The following RELCH variants were observed in gnomAD, a reference collection of about 807,000 sequenced individuals.
RELCH encodes the protein RAB11-binding protein RELCH.
RELCH carries 41 observed loss-of-function variants against 150.3 expected under a neutral mutation model. The observed-to-expected ratio is 0.27, with a 90% CI of 0.21 to 0.35. The LOEUF is 0.35. Ranked by LOEUF, RELCH falls within the 10% of genes least tolerant of loss-of-function variation. The pLI, the probability that RELCH is intolerant of heterozygous loss-of-function variation, is 1.00. For missense variants in RELCH, 1,092 were observed against 1,467.8 expected (o/e 0.74, Z 4.18); for synonymous variants, 478 against 531.8 (o/e 0.90, Z 1.39).
At chr18:62,257,890 A>T in intron 13 of RELCH, 58 bp from the exon 14 acceptor site, 1 of 1,313,584 alleles carries the variant, frequency 7.6e-7, no homozygotes, top group Non-Finnish European at 1.0e-6. Flanking sequence ...TTGTCATATT[A>T]TTTTCTATAC....
chr18:62,299,317 A>G (rs2045560713), intron 28 of RELCH, among the ~76,000 whole-genome samples: 1 of 152,224 alleles, frequency 6.6e-6, no homozygotes, highest in African/African-American at 2.4e-5. Context: ...AAATTAAAAT[A>G]TAAGCATAGA....
rs193273177 is a variant in RELCH at position 62,305,167 on chromosome 18, A to G, written c.3531-247A>G. Among the ~76,000 whole-genome samples, 215 of 152,318 alleles carry G rather than the reference A, an allele frequency of 1.4e-3. 1 individual carries two copies. Among genetic ancestry groups the G allele is most frequent in the Admixed American group, 6.0e-3 (91 of 15,286 alleles). On this transcript the variant is annotated intron_variant, in intron 28 of 28. Coordinates refer to ENST00000644646, the MANE Select transcript of RELCH (RefSeq NM_001346231.2). This position sits in a 1 kb window ranked among gnomAD's most constrained non-coding sequence, Gnocchi z 4.0. ...TTAAATAATTTACCCGAGCTGGTAA[A>G]CAGAGCCAAGATTCAGTCCAGTCCC...
At chr18:62,226,421 A>G (rs570833593) in intron 5 of RELCH, among the ~76,000 whole-genome samples, 1 of 152,100 alleles carries the variant, frequency 6.6e-6, no homozygotes, top group Non-Finnish European at 1.5e-5. Flanking sequence ...AAGTATTTGT[A>G]ATAATATGAA....
intron 11 of RELCH, chr18:62,245,892 A>G (rs1322226224): frequency 2.6e-5 from 4 of 152,140 alleles, no homozygotes; most frequent in African/African-American, 9.7e-5. Context: ...GAGGGAGTGA[A>G]TGTATTCTAG....
chr18:62,223,861 C>G (rs148227240), intron 5 of RELCH, among the ~76,000 whole-genome samples: 310 of 152,182 alleles, frequency 2.0e-3, no homozygotes, highest in African/African-American at 7.1e-3. Flanking sequence ...TTGACTCAAT[C>G]CAACATCCAT....
intron 20 of RELCH, among the ~76,000 whole-genome samples, chr18:62,273,011 A>G (rs1273352811): frequency 6.6e-6 from 1 of 150,856 alleles, no homozygotes; most frequent in Non-Finnish European, 1.5e-5. Context: ...TCTCTACTTC[A>G]TTCTTAACTA....
chr18:62,296,196 A>G (rs1355283479), intron 27 of RELCH, among the ~76,000 whole-genome samples: 1 of 152,240 alleles, frequency 6.6e-6, no homozygotes, highest in African/African-American at 2.4e-5. Context: ...ATATATTTCA[A>G]TAAAATAAGG....
chr18:62,237,163 A>C (rs1034968246), intron 10 of RELCH, among the ~76,000 whole-genome samples: 1 of 151,768 alleles, frequency 6.6e-6, no homozygotes, highest in Non-Finnish European at 1.5e-5. Flanking sequence ...ATTTTATATG[A>C]CTTTGATCTT....
chr18:62,224,054 G>T (rs112608994), intron 5 of RELCH, among the ~76,000 whole-genome samples: 1 of 151,906 alleles, frequency 6.6e-6, no homozygotes, highest in African/African-American at 2.4e-5. Context: ...GTGCCATGTT[G>T]GTTTGCTGCA....
intron 13 of RELCH, among the ~76,000 whole-genome samples, chr18:62,256,523 A>AAGG (rs1377129339): frequency 6.6e-6 from 1 of 152,048 alleles, no homozygotes; most frequent in Non-Finnish European, 1.5e-5. Context: ...CTTGCTCTCA[A>AAGG]AGGATAAATA....
chr18:62,272,282 C>T (rs1176760460), intron 20 of RELCH, among the ~76,000 whole-genome samples: 1 of 152,076 alleles, frequency 6.6e-6, no homozygotes, highest in African/African-American at 2.4e-5. Flanking sequence ...GGAAAGTGTC[C>T]TTGTATAATG....
intron 8 of RELCH, among the ~76,000 whole-genome samples, chr18:62,230,271 T>A (rs565381053): frequency 2.3e-4 from 35 of 152,010 alleles, no homozygotes; most frequent in African/African-American, 7.2e-4. Context: ...TAGACCAGCA[T>A]GGGCAATACA....
intron 11 of RELCH, among the ~76,000 whole-genome samples, chr18:62,248,432 A>C (rs180935822): frequency 4.6e-5 from 7 of 152,188 alleles, no homozygotes; most frequent in African/African-American, 1.7e-4. Context: ...TTAACAGAGG[A>C]AACGTTGCCC....
chr18:62,309,342 G>GT lies in RELCH; in HGVS notation c.*3809dup, dbSNP rs2045954335. 1 of 151,962 alleles carries GT rather than the reference G, an allele frequency of 6.6e-6. No individual in the cohort carries two copies. Among genetic ancestry groups the GT allele is most frequent in the Non-Finnish European group, 1.5e-5 (1 of 68,008 alleles). The allele number at this position is 151,962 out of a possible 1,614,324, so 9.4% of individuals were successfully genotyped here. ...GAATTTTAGACAATTTTCATACTGCGTAAGAATGTGTTCTGTATGCATTTT... is the reference window on the plus strand; with the variant it reads ...GAATTTTAGACAATTTTCATACTGCGTTAAGAATGTGTTCTGTATGCATTTT... On this transcript the variant is annotated 3_prime_UTR_variant, in exon 29 of 29. Coordinates refer to ENST00000644646, the MANE Select transcript of RELCH (RefSeq NM_001346231.2).
intron 5 of RELCH, among the ~76,000 whole-genome samples, chr18:62,224,975 T>C (rs900991809): frequency 1.3e-5 from 2 of 152,050 alleles, no homozygotes; most frequent in African/African-American, 4.8e-5. Context: ...TAAAAGATAT[T>C]ATAGTAAAGA....
At chr18:62,283,133 G>C (rs2044608838) in intron 25 of RELCH, among the ~76,000 whole-genome samples, 1 of 152,080 alleles carries the variant, frequency 6.6e-6, no homozygotes, top group South Asian at 2.1e-4. Flanking sequence ...TATTTTTAAG[G>C]AAATTTTTGT....
intron 10 of RELCH, among the ~76,000 whole-genome samples, chr18:62,242,970 G>T (rs1488755231): frequency 1.3e-5 from 2 of 152,072 alleles, no homozygotes; most frequent in African/African-American, 4.8e-5. Flanking sequence ...GGGAAAGCAG[G>T]AAGGGAGATT....
intron 1 of RELCH, among the ~76,000 whole-genome samples, chr18:62,188,760 A>G (rs1461630877): frequency 6.6e-6 from 1 of 152,258 alleles, no homozygotes; most frequent in Non-Finnish European, 1.5e-5. Context: ...TTTTAGCAGC[A>G]TAGAGTAATC....
In RELCH at chr18:62,310,205, G is replaced by A. The variant is rs965747515; in HGVS notation, c.*4671G>A. On this transcript the variant is annotated 3_prime_UTR_variant, in exon 29 of 29. Coordinates refer to ENST00000644646, the MANE Select transcript of RELCH (RefSeq NM_001346231.2). Reference sequence around the variant, plus strand: ...CTCTGTTCATAAGCCTTCCCATCATGTATTAAATAATGAAACTTAAAGGTG... The same window carrying A: ...CTCTGTTCATAAGCCTTCCCATCATATATTAAATAATGAAACTTAAAGGTG... 1 of 152,060 alleles carries A rather than the reference G, an allele frequency of 6.6e-6. No individual in the cohort carries two copies. The highest frequency in any genetic ancestry group is 1.5e-5 in the Non-Finnish European group (1 of 68,002). The allele number at this position is 152,060 out of a possible 1,614,324, so 9.4% of individuals were successfully genotyped here. A position where few individuals can be genotyped will look rare whatever the true frequency, so the allele number is the denominator to read the frequency against.
Sources: allele counts gnomAD v4.1 joint callset (sites outside exome capture counted in the v4.1 genomes callset), GRCh38; gene constraint gnomAD v4.1.1; non-coding constraint Gnocchi (gnomAD v3.1); transcripts MANE v1.5; gene names NCBI Gene and HGNC (gene_info 2026-07-23, HGNC 2026-07-21).